The following NRG1 variants were observed in gnomAD, a reference collection of about 807,000 sequenced individuals.
NRG1 encodes the protein neuregulin 1.
Under a neutral mutation model 63.8 loss-of-function variants are expected in NRG1, and 18 were observed. The observed-to-expected ratio is 0.28, with a 90% CI of 0.19 to 0.42. The LOEUF (loss-of-function observed/expected upper bound fraction) is 0.42. Ranked by LOEUF, NRG1 falls within the 10% of genes least tolerant of loss-of-function variation. The pLI is 1.00. For synonymous variants in NRG1, 302 were observed against 301.3 expected, an observed-to-expected ratio of 1.00 and a Z score of -0.02; for missense variants, 762 against 814.7, an observed-to-expected ratio of 0.94 and a Z score of 0.79.
chr8:32,473,668 A>G (rs761315662), intron 1 of NRG1, among the ~76,000 whole-genome samples: 1 of 151,928 alleles, frequency 6.6e-6, no homozygotes, highest in Non-Finnish European at 1.5e-5. Flanking sequence ...CTATCCTTAT[A>G]CTAGTTTTAT....
chr8:32,161,470 A>G (rs1281984382), intron 1 of NRG1, among the ~76,000 whole-genome samples: 1 of 152,190 alleles, frequency 6.6e-6, no homozygotes, highest in East Asian at 1.9e-4. Context: ...ATATTGGAGC[A>G]TCCTCGGGTG....
exon 11 of NRG1, chr8:32,760,379 C>G (rs756689549): frequency 1.2e-6 from 2 of 1,613,810 alleles, no homozygotes; most frequent in African/African-American, 2.7e-5. Flanking sequence ...ACCCCTGATT[C>G]CTACCGAGAC....
At chr8:32,280,696 T>G (rs1229867019) in intron 1 of NRG1, among the ~76,000 whole-genome samples, 22 of 131,622 alleles carry the variant, frequency 1.7e-4, no homozygotes, top group East Asian at 4.1e-4. Flanking sequence ...TTTTTGTTTT[T>G]TTTTTTTTTT....
At chr8:31,903,217 C>A (rs994199698) in intron 1 of NRG1, among the ~76,000 whole-genome samples, 1 of 145,222 alleles carries the variant, frequency 6.9e-6, no homozygotes, top group Non-Finnish European at 1.5e-5. Context: ...GGCGCAATCT[C>A]GGCTCACTGC....
intron 1 of NRG1, among the ~76,000 whole-genome samples, chr8:32,240,785 T>TA (rs199623436): frequency 0.019 from 2,880 of 152,194 alleles, 43 homozygotes; most frequent in Non-Finnish European, 0.021. Flanking sequence ...TATTTCAAGA[T>TA]AAAAAAAGTT....
chr8:32,560,286 A>G lies in NRG1; in HGVS notation c.100+11460A>G, dbSNP rs554439325. Among the ~76,000 whole-genome samples the G allele has an allele frequency of 4.0e-5, 6 of 151,866 alleles. No individual in the cohort carries two copies. The South Asian group carries it at 1.0e-3, about 26-fold the overall frequency. On this transcript the variant is annotated intron_variant, in intron 1 of 11. Coordinates refer to ENST00000356819, the Ensembl canonical transcript of NRG1. ...GAGCATTTTATTTTGGCACTCATGTATTTTAATTAAAAAAAATAAATAAAC... is the reference window on the plus strand; with the variant it reads ...GAGCATTTTATTTTGGCACTCATGTGTTTTAATTAAAAAAAATAAATAAAC...
intron 1 of NRG1, among the ~76,000 whole-genome samples, chr8:32,363,881 T>C (rs1242420792): frequency 6.6e-6 from 1 of 152,030 alleles, no homozygotes; most frequent in Non-Finnish European, 1.5e-5. Flanking sequence ...ATGAAGAAAT[T>C]ATGAGGGGTT....
chr8:31,905,820 C>T (rs1377470072), intron 1 of NRG1, among the ~76,000 whole-genome samples: 1 of 152,130 alleles, frequency 6.6e-6, no homozygotes, highest in African/African-American at 2.4e-5. Flanking sequence ...ATCAACTAAG[C>T]ATAATATCTC....
intron 1 of NRG1, among the ~76,000 whole-genome samples, chr8:32,281,110 A>T (rs1586598122): frequency 6.6e-6 from 1 of 150,976 alleles, no homozygotes; most frequent in South Asian, 2.1e-4. Context: ...ATTGCATGTT[A>T]CTGGGGTTTG....
At chr8:32,485,468 T>C (rs1353352985) in intron 1 of NRG1, among the ~76,000 whole-genome samples, 1 of 152,182 alleles carries the variant, frequency 6.6e-6, no homozygotes, top group East Asian at 1.9e-4. Flanking sequence ...CTTCTATCTT[T>C]CCTTAATTGT....
At chr8:32,511,590 C>T (rs528165582) in intron 1 of NRG1, among the ~76,000 whole-genome samples, 1 of 151,738 alleles carries the variant, frequency 6.6e-6, no homozygotes, top group South Asian at 2.1e-4. Context: ...GTTAAAGAAG[C>T]GACAGTAGTT....
chr8:32,286,772 G>T (rs1335350254), intron 1 of NRG1, among the ~76,000 whole-genome samples: 1 of 152,164 alleles, frequency 6.6e-6, no homozygotes, highest in East Asian at 1.9e-4. Flanking sequence ...CGAGGCAGGT[G>T]GATCACCTGA....
At chr8:31,884,806 T>C (rs1288771498) in intron 1 of NRG1, among the ~76,000 whole-genome samples, 2 of 152,114 alleles carry the variant, frequency 1.3e-5, no homozygotes, top group African/African-American at 4.8e-5. Context: ...TTTTTTACAT[T>C]GTGCTAGAAA....
chr8:31,929,068 G>A (rs746960788), intron 1 of NRG1, among the ~76,000 whole-genome samples: 1 of 152,150 alleles, frequency 6.6e-6, no homozygotes, highest in Non-Finnish European at 1.5e-5. Flanking sequence ...AGCCATGCAA[G>A]TTTGATTCTG....
chr8:32,326,366 T>C (rs1586841283), intron 1 of NRG1, among the ~76,000 whole-genome samples: 1 of 148,778 alleles, frequency 6.7e-6, no homozygotes, highest in Non-Finnish European at 1.5e-5. Flanking sequence ...GGCTGGAGTG[T>C]AGTGGTGCAA....
At chr8:32,353,644 T>G (rs1445944187) in intron 1 of NRG1, among the ~76,000 whole-genome samples, 2 of 152,208 alleles carry the variant, frequency 1.3e-5, no homozygotes, top group African/African-American at 4.8e-5. Context: ...TCAGAATGTC[T>G]GAGATTAAAA....
rs200000624 is a variant in NRG1, at chr8:31,697,859, TTTCC to T, written c.37+58444_37+58447del. Among the ~76,000 whole-genome samples the T allele has an allele frequency of 6.7e-3, 1,017 of 151,914 alleles. 12 individuals are homozygous for T. Among genetic ancestry groups the T allele is most frequent in the Middle Eastern group, 0.031 (9 of 294 alleles). ...TGTACATTTTTCTTTTCTTTTCTTCTTTCCTTCCTTCCTTCCTTCTCTTTCTCTC... is the reference window on the plus strand; with the variant it reads ...TGTACATTTTTCTTTTCTTTTCTTCTTTCCTTCCTTCCTTCTCTTTCTCTC... On this transcript the variant is annotated intron_variant, in intron 1 of 10. Transcript: ENST00000519301.
At chr8:32,180,993 G>C (rs1040783832) in intron 1 of NRG1, among the ~76,000 whole-genome samples, 6 of 152,156 alleles carry the variant, frequency 3.9e-5, no homozygotes, top group Non-Finnish European at 8.8e-5. Flanking sequence ...ATGTAAGTGA[G>C]ATTATGTGGT....
intron 1 of NRG1, among the ~76,000 whole-genome samples, chr8:32,182,020 A>G (rs1841480761): frequency 6.6e-6 from 1 of 152,234 alleles, no homozygotes; most frequent in South Asian, 2.1e-4. Flanking sequence ...ACTACTATTC[A>G]AGTGTAAAAT....
Sources: gnomAD v4.1 joint callset for allele counts (sites outside exome capture counted in the v4.1 genomes callset) on GRCh38, gnomAD v4.1.1 for gene constraint, MANE v1.5 for transcripts, NCBI Gene and HGNC (gene_info 2026-07-23, HGNC 2026-07-21) for gene names.